Variants in SLC38A9 observed in about 807,000 individuals in gnomAD.
SLC38A9 encodes the protein neutral amino acid transporter 9.
Under a neutral mutation model 62.3 loss-of-function variants are expected in SLC38A9, and 48 were observed. The observed-to-expected ratio is 0.77, with a 90% CI of 0.61 to 0.98. The LOEUF (loss-of-function observed/expected upper bound fraction) is 0.98, where lower values mean the gene tolerates loss of function less well. Ranked by LOEUF, SLC38A9 falls within the 50% of genes least tolerant of loss-of-function variation. The pLI, the probability that SLC38A9 is intolerant of heterozygous loss-of-function variation, is 0.00. For synonymous variants in SLC38A9, 204 were observed against 227.7 expected, an observed-to-expected ratio of 0.90 and a Z score of 0.94; for missense variants, 541 against 679.8, an observed-to-expected ratio of 0.80 and a Z score of 2.27.
At chr5:55,707,593 A>C (rs939288683) in intron 2 of SLC38A9, among the ~76,000 whole-genome samples, 1 of 152,166 alleles carries the variant, frequency 6.6e-6, no homozygotes, top group African/African-American at 2.4e-5. Flanking sequence ...AACAAAACCC[A>C]GACATAATCA....
At chr5:55,678,541 A>G (rs1752521447) in intron 3 of SLC38A9, among the ~76,000 whole-genome samples, 1 of 152,166 alleles carries the variant, frequency 6.6e-6, no homozygotes, top group South Asian at 2.1e-4. Flanking sequence ...TAGTACTGCA[A>G]TCACTAAATG....
At chr5:55,651,601 C>T (rs529775095) in intron 10 of SLC38A9, among the ~76,000 whole-genome samples, 1 of 152,126 alleles carries the variant, frequency 6.6e-6, no homozygotes, top group East Asian at 1.9e-4. Context: ...TTCTGAAAAG[C>T]AGGGCTCACA....
intron 3 of SLC38A9, among the ~76,000 whole-genome samples, chr5:55,694,758 T>TC (rs1219757514): frequency 1.4e-3 from 176 of 126,506 alleles, no homozygotes; most frequent in Middle Eastern, 0.011. Context: ...TCTCCTCTCC[T>TC]TTCCTTTCCT....
chr5:55,628,074 C>G, intron 14 of SLC38A9, 94 bp from the exon 15 acceptor site: 7 of 743,046 alleles, frequency 9.4e-6, no homozygotes, highest in Non-Finnish European at 1.6e-5. Flanking sequence ...TTCTTAACAT[C>G]GTTAAAATCA....
At position 55,661,709 on chromosome 5, in the gene SLC38A9, A is replaced by G. The variant is rs1749609378; in HGVS notation, c.697+2984T>C. 1.3e-5 allele frequency among the ~76,000 whole-genome samples: 2 copies of G among 152,182 alleles called. 1 individual carries two copies. On this transcript the variant is annotated intron_variant, in intron 8 of 15. Transcript: ENST00000396865. The stretch of plus-strand genomic sequence containing the variant: ...TGGAGAAAAACACTAATTTTAAAAT[A>G]AAAAACTTTTGAATAACACAGAGCT...
At chr5:55,648,021 C>A (rs1229699391) in intron 11 of SLC38A9, among the ~76,000 whole-genome samples, 1 of 152,098 alleles carries the variant, frequency 6.6e-6, no homozygotes, top group Non-Finnish European at 1.5e-5. Flanking sequence ...AGGTGGATCA[C>A]CTGAGGTCAG....
intron 10 of SLC38A9, among the ~76,000 whole-genome samples, chr5:55,652,024 A>C (rs1394146231): frequency 9.7e-6 from 1 of 102,846 alleles, no homozygotes; most frequent in Non-Finnish European, 2.3e-5. Flanking sequence ...TCTCCATGCC[A>C]AACTCCATAA....
chr5:55,699,761 T>C (rs73128003), intron 2 of SLC38A9, among the ~76,000 whole-genome samples: 4,686 of 152,010 alleles, frequency 0.031, 90 homozygotes, highest in African/African-American at 0.051. Context: ...CAACACTCAA[T>C]GAATGAGTTT....
At chr5:55,688,114 T>C (rs1242646393) in intron 3 of SLC38A9, among the ~76,000 whole-genome samples, 1 of 152,244 alleles carries the variant, frequency 6.6e-6, no homozygotes, top group African/African-American at 2.4e-5. Flanking sequence ...TTTTGTATCC[T>C]GAGACTTCAC....
At chr5:55,632,781 G>C (rs1173998876) in intron 14 of SLC38A9, among the ~76,000 whole-genome samples, 3 of 152,246 alleles carry the variant, frequency 2.0e-5, no homozygotes, top group African/African-American at 7.2e-5. Context: ...ATTCCAGAGA[G>C]GGTCCTGCCC....
intron 3 of SLC38A9, among the ~76,000 whole-genome samples, chr5:55,675,641 C>T (rs35338425): frequency 0.6 from 90,443 of 151,336 alleles, 27,567 homozygotes; most frequent in South Asian, 0.7. Flanking sequence ...AGCTGTGCCA[C>T]ACTAAAAATA....
chr5:55,656,645 T>G (rs912795445), intron 9 of SLC38A9, 70 bp downstream of exon 9: 1 of 1,003,468 alleles, frequency 1.0e-6, no homozygotes, highest in African/African-American at 1.6e-5. Context: ...TAAGGTCACA[T>G]GTTCTACCTT....
chr5:55,705,439 C>CAAAAAAAAAAAAAAA (rs67490309), intron 2 of SLC38A9, among the ~76,000 whole-genome samples: 2 of 125,644 alleles, frequency 1.6e-5, no homozygotes, highest in Non-Finnish European at 3.3e-5. Flanking sequence ...CTTCATATTA[C>CAAAAAAAAAAAAAAA]AAAAAAAAAA....
At chr5:55,707,530 G>A (rs930988254) in intron 2 of SLC38A9, among the ~76,000 whole-genome samples, 1 of 152,138 alleles carries the variant, frequency 6.6e-6, no homozygotes, top group Non-Finnish European at 1.5e-5. Context: ...GCTGAGGCAG[G>A]AGAATTGCTT....
At chr5:55,674,034 T>C (rs1751742772) in intron 3 of SLC38A9, among the ~76,000 whole-genome samples, 1 of 152,226 alleles carries the variant, frequency 6.6e-6, no homozygotes, top group Non-Finnish European at 1.5e-5. Context: ...TTGTGGGAAG[T>C]ACTTGAAAAG....
At chr5:55,644,896 T>G (rs1325291972) in intron 12 of SLC38A9, among the ~76,000 whole-genome samples, 1 of 143,722 alleles carries the variant, frequency 7.0e-6, no homozygotes, top group East Asian at 2.1e-4. Flanking sequence ...GTCCCCAGAG[T>G]GTGATGTTCC....
intron 2 of SLC38A9, among the ~76,000 whole-genome samples, chr5:55,707,869 T>C (rs1415423381): frequency 6.6e-6 from 1 of 152,196 alleles, no homozygotes; most frequent in African/African-American, 2.4e-5. Flanking sequence ...AGTAACCTTA[T>C]GAAAAGTTTG....
intron 4 of SLC38A9, 75 bp from the exon 5 acceptor site, chr5:55,669,954 C>T (rs1372567037): frequency 1.4e-6 from 2 of 1,399,564 alleles, no homozygotes; most frequent in African/African-American, 1.5e-5. Flanking sequence ...CATCAGAACA[C>T]CTGACTCTAG....
chr5:55,675,819 T>C (rs1398100444), intron 3 of SLC38A9, among the ~76,000 whole-genome samples: 1 of 152,176 alleles, frequency 6.6e-6, no homozygotes, highest in African/African-American at 2.4e-5. Flanking sequence ...TAACACCTTT[T>C]CTAGGTTCCA....
Sources: gnomAD v4.1 joint callset for allele counts (sites outside exome capture counted in the v4.1 genomes callset) on GRCh38, gnomAD v4.1.1 for gene constraint, MANE v1.5 for transcripts, NCBI Gene and HGNC (gene_info 2026-07-23, HGNC 2026-07-21) for gene names.